Variants in BNC2 observed in about 807,000 individuals in gnomAD.
The protein encoded by BNC2 is zinc finger protein basonuclin-2.
A neutral mutation model predicts 76.3 loss-of-function variants in BNC2; 20 were observed. That is an observed-to-expected ratio of 0.26 (90% CI 0.18 to 0.38). The LOEUF is 0.38. Ranked by LOEUF, BNC2 falls within the 10% of genes least tolerant of loss-of-function variation. The pLI is 1.00. For missense variants in BNC2, 1,382 were observed against 1,399.8 expected (o/e 0.99, Z 0.20); for synonymous variants, 582 against 514.8 (o/e 1.13, Z -1.77).
chr9:16,536,468 T>C (rs1470288708), intron 5 of BNC2, among the ~76,000 whole-genome samples: 1 of 152,194 alleles, frequency 6.6e-6, no homozygotes, highest in South Asian at 2.1e-4. Flanking sequence ...TCTAAATGTA[T>C]TTCTAGCCTC....
At chr9:16,520,451 G>A (rs1196067092) in intron 5 of BNC2, among the ~76,000 whole-genome samples, 1 of 152,196 alleles carries the variant, frequency 6.6e-6, no homozygotes, top group Non-Finnish European at 1.5e-5. Context: ...AATCTGAATG[G>A]AGAGCATGAG....
At chr9:16,862,840 T>G (rs896412045) in intron 1 of BNC2, among the ~76,000 whole-genome samples, 1 of 152,008 alleles carries the variant, frequency 6.6e-6, no homozygotes, top group Admixed American at 6.6e-5. Flanking sequence ...AAGACACTCA[T>G]GCTTTTTCTG....
At chr9:16,778,906 G>A (rs541458080) in intron 1 of BNC2, among the ~76,000 whole-genome samples, 1 of 152,184 alleles carries the variant, frequency 6.6e-6, no homozygotes, top group African/African-American at 2.4e-5. Flanking sequence ...AAAGACTTCT[G>A]ACCCCTAACA....
chr9:16,844,827 G>C (rs1345989027), intron 1 of BNC2, among the ~76,000 whole-genome samples: 1 of 152,088 alleles, frequency 6.6e-6, no homozygotes, highest in Admixed American at 6.6e-5. Flanking sequence ...TAACTATCCA[G>C]TCATTTCTGG....
rs548115974 is a variant in BNC2, at chr9:16,718,918, A to G, written c.330+8879T>C. Among the ~76,000 whole-genome samples the G allele has an allele frequency of 2.0e-5, 3 of 152,336 alleles. No homozygotes were observed. In the East Asian group the frequency reaches 5.8e-4, roughly 29 times the overall value. ...ACGCATTACATATAAATGCACTACC[A>G]TAATGTGGCAATATGGGATTTTTAG... On this transcript the variant is annotated intron_variant, in intron 3 of 6. Transcript: ENST00000380672.
At chr9:16,698,405 T>C (rs1205564798) in intron 3 of BNC2, among the ~76,000 whole-genome samples, 1 of 151,974 alleles carries the variant, frequency 6.6e-6, no homozygotes, top group Non-Finnish European at 1.5e-5. Flanking sequence ...AAAGTCATGA[T>C]GAGGGCCGGG....
At chr9:16,721,115 T>C (rs1408202195) in intron 3 of BNC2, among the ~76,000 whole-genome samples, 2 of 152,204 alleles carry the variant, frequency 1.3e-5, no homozygotes, top group African/African-American at 2.4e-5. Context: ...GGACCCTGGA[T>C]GTCATGGCCC....
At position 16,552,761 on chromosome 9, in the gene BNC2, C is replaced by A. The variant is rs931043410; in HGVS notation, c.438G>T (p.Leu146Phe). The A allele has an allele frequency of 6.2e-7, 1 of 1,613,988 alleles. No individual in the cohort carries two copies. The change falls in exon 5 of 7, where the codon TTG becomes TTT. Residue 146 changes from leucine to phenylalanine, a missense_variant. Around this residue, in one of 3 missense-constraint regions of BNC2, gnomAD observed 557 missense variants for 540.9 expected, o/e 1.03. Transcript: ENST00000380672. ...QCKHGWVAHA[L>F]DKLSTQHLYH... ...ACAGGTGCTGCGTGCTGAGCTTATC[C>A]AAGGCTGTGGTGGTCCCGCCAAAGT...
chr9:16,639,553 G>C (rs1263260991), intron 3 of BNC2, among the ~76,000 whole-genome samples: 4 of 151,502 alleles, frequency 2.6e-5, no homozygotes, highest in East Asian at 3.9e-4. Flanking sequence ...ATTTTTTTAT[G>C]TCCTTATTAA....
intron 3 of BNC2, among the ~76,000 whole-genome samples, chr9:16,614,073 G>A (rs945374950): frequency 2.0e-5 from 3 of 152,164 alleles, no homozygotes; most frequent in African/African-American, 7.2e-5. Flanking sequence ...ATTACAGCAT[G>A]TCCTATATAT....
At chr9:16,741,323 C>T (rs1478589435) in intron 1 of BNC2, among the ~76,000 whole-genome samples, 6 of 152,004 alleles carry the variant, frequency 3.9e-5, no homozygotes, top group African/African-American at 1.4e-4. Context: ...TATGGTGGTG[C>T]ATGCCTGTAA....
chr9:16,434,993 CTAAA>C, intron 6 of BNC2: 2 of 471,204 alleles, frequency 4.2e-6, no homozygotes, highest in Non-Finnish European at 4.4e-6. Flanking sequence ...CAAGGACACA[CTAAA>C]TACTCATGTA....
intron 3 of BNC2, chr9:16,664,946 T>C (rs1192791425): frequency 1.1e-5 from 3 of 263,730 alleles, no homozygotes; most frequent in Middle Eastern, 9.0e-4. Context: ...AAATTCAGAA[T>C]AGGCAGGTTA....
intron 1 of BNC2, among the ~76,000 whole-genome samples, chr9:16,824,755 G>A (rs887901440): frequency 6.6e-6 from 1 of 152,196 alleles, no homozygotes; most frequent in Admixed American, 6.5e-5. Context: ...ACCTGTTTCA[G>A]GGGTTGCCAA....
rs376143012 is a variant in BNC2, at chr9:16,864,172, T to C, written c.3+6474A>G. On this transcript the variant is annotated intron_variant, in intron 1 of 6. Coordinates refer to ENST00000380672, the MANE Select transcript of BNC2 (RefSeq NM_017637.6). ...AATGTATTTCTAAAGAACCAGGCTA[T>C]GCTAGAGGAAAATCAAAGGAGGAAA... 2.6e-5 allele frequency among the ~76,000 whole-genome samples: 4 copies of C among 152,292 alleles called. No individual in the cohort carries two copies. In the East Asian group the frequency reaches 5.8e-4, roughly 22 times the overall value.
At chr9:16,843,524 G>C (rs1375260748) in intron 1 of BNC2, among the ~76,000 whole-genome samples, 1 of 152,082 alleles carries the variant, frequency 6.6e-6, no homozygotes. Flanking sequence ...AGTAGAGACA[G>C]GGTTTTGCCA....
rs757611383 is a variant in BNC2 at position 16,412,214 on chromosome 9, T to C, written c.*6775A>G. The C allele has an allele frequency of 9.2e-5, 14 of 152,770 alleles. No homozygotes were observed. The East Asian group carries it at 2.7e-3, about 30-fold the overall frequency. The allele number at this position is 152,770 out of a possible 1,614,324, so 9.5% of individuals were successfully genotyped here. On this transcript the variant is annotated 3_prime_UTR_variant, in exon 7 of 7. Coordinates refer to ENST00000380672, the MANE Select transcript of BNC2 (RefSeq NM_017637.6). Reference sequence around the variant, plus strand: ...GTCAAAAGCCTGACGCCATCTTTTTTAGATTGTCAGTCCAGTTTGACAAAA... The same window carrying C: ...GTCAAAAGCCTGACGCCATCTTTTTCAGATTGTCAGTCCAGTTTGACAAAA...
intron 1 of BNC2, among the ~76,000 whole-genome samples, chr9:16,800,052 C>G (rs1817745059): frequency 6.6e-6 from 1 of 151,902 alleles, no homozygotes; most frequent in African/African-American, 2.4e-5. Flanking sequence ...TGGGGAAACC[C>G]CATCTCTACT....
At chr9:16,852,262 A>C (rs1340696505) in intron 1 of BNC2, among the ~76,000 whole-genome samples, 1 of 152,176 alleles carries the variant, frequency 6.6e-6, no homozygotes, top group Non-Finnish European at 1.5e-5. Context: ...AAGATAAATC[A>C]AATTTCTAAT....
Sources: allele counts gnomAD v4.1 joint callset (sites outside exome capture counted in the v4.1 genomes callset), GRCh38; gene constraint gnomAD v4.1.1; regional missense constraint gnomAD v4.1.1; transcripts MANE v1.5; gene names NCBI Gene and HGNC (gene_info 2026-07-23, HGNC 2026-07-21).